Variants in KCNQ1 observed in about 807,000 individuals in gnomAD.
KCNQ1 encodes the protein potassium voltage-gated channel subfamily Q member 1.
In KCNQ1, 49 loss-of-function variants were observed where a neutral mutation model predicts 72.4. The observed-to-expected ratio is 0.68, with a 90% CI of 0.54 to 0.86. The LOEUF is 0.86. KCNQ1 is among the 40% of genes least tolerant of loss of function. The pLI, the probability that KCNQ1 is intolerant of heterozygous loss-of-function variation, is 0.00. For missense variants in KCNQ1, 790 were observed against 945.1 expected (o/e 0.84, Z 2.15); for synonymous variants, 450 against 412.6 (o/e 1.09, Z -1.10).
At position 2,516,708 on chromosome 11, in the gene KCNQ1, T is replaced by TA. The variant is rs1321282949; in HGVS notation, c.387-11217dup. Among the ~76,000 whole-genome samples, 1 of 152,096 alleles carries TA rather than the reference T, an allele frequency of 6.6e-6. No individual in the cohort carries two copies. The highest frequency in any genetic ancestry group is 1.9e-4 in the East Asian group (1 of 5,176). ...TACGGCCACCACCTGATTTTGTCGA[T>TA]AAAGTTTTATTAGGACACAGCCATG... On this transcript the variant is annotated intron_variant, in intron 1 of 15. Coordinates refer to ENST00000155840, the MANE Select transcript of KCNQ1 (RefSeq NM_000218.3). This position sits in a 1 kb window ranked among gnomAD's most constrained non-coding sequence, Gnocchi z 7.0.
chr11:2,615,496 T>A (rs1849046018), intron 10 of KCNQ1: 1 of 397,948 alleles, frequency 2.5e-6, no homozygotes, highest in Non-Finnish European at 4.4e-6. Flanking sequence ...ATGGGAGAAA[T>A]TTTTCAGTTT....
At chr11:2,470,704 TG>T (rs113753362) in intron 1 of KCNQ1, among the ~76,000 whole-genome samples, 6,899 of 89,286 alleles carry the variant, frequency 0.077, 359 homozygotes, top group African/African-American at 0.19. Context: ...CTCAGTTAGG[TG>T]GGGGGGGGGG....
chr11:2,706,085 G>C (rs773514411), intron 11 of KCNQ1, among the ~76,000 whole-genome samples: 1 of 152,246 alleles, frequency 6.6e-6, no homozygotes, highest in African/African-American at 2.4e-5. Flanking sequence ...CTGGGGTACC[G>C]TGTGGCTGTG....
chr11:2,474,211 C>A (rs1195092521), intron 1 of KCNQ1, among the ~76,000 whole-genome samples: 1 of 152,186 alleles, frequency 6.6e-6, no homozygotes, highest in East Asian at 1.9e-4. Flanking sequence ...GTCAGGGTCT[C>A]AGGGACCACT....
rs1356074785 is a variant in KCNQ1 at position 2,494,594 on chromosome 11, A to G, written c.387-33334A>G. Among the ~76,000 whole-genome samples the G allele has an allele frequency of 1.3e-5, 2 of 152,146 alleles. No individual in the cohort carries two copies. Among genetic ancestry groups the G allele is most frequent in the East Asian group, 3.8e-4 (2 of 5,196 alleles). ...TTTGTCAAAGGCTTTTTCTGCATCT[A>G]TTGAGATAATCATGTGGTTTTTGTC... On this transcript the variant is annotated intron_variant, in intron 1 of 15. Transcript: ENST00000155840. This position sits in a 1 kb window ranked among gnomAD's most constrained non-coding sequence, Gnocchi z 4.6.
chr11:2,559,873 G>C lies in KCNQ1; in HGVS notation c.478-10755G>C, dbSNP rs73404655. Among the ~76,000 whole-genome samples, 6,293 of 151,924 alleles carry C rather than the reference G, an allele frequency of 0.041. 453 individuals carry two copies. The highest frequency in any genetic ancestry group is 0.14 in the African/African-American group (5,868 of 41,380). On this transcript the variant is annotated intron_variant, in intron 2 of 15. Transcript: ENST00000155840. This position sits in a 1 kb window ranked among gnomAD's most constrained non-coding sequence, Gnocchi z 4.9. ...TCCCTCTCTGTCTCTGGGGTCCCAT[G>C]GGAAGTCAGGGTGGGGCCTGGTGTG...
At position 2,536,264 on chromosome 11, in the gene KCNQ1, C is replaced by G. The variant is rs1274961711; in HGVS notation, c.477+8246C>G. On this transcript the variant is annotated intron_variant, in intron 2 of 15. Transcript: ENST00000155840. This position sits in a 1 kb window ranked among gnomAD's most constrained non-coding sequence, Gnocchi z 7.4. ...GCTGTGCCAGGCTGCAGCAGAGACT[C>G]CGGCCCCACCAGGCTTCCTGTACTT... is the stretch of plus-strand genomic sequence containing the variant. 1.3e-5 allele frequency among the ~76,000 whole-genome samples: 2 copies of G among 152,206 alleles called. No homozygotes were observed. Among genetic ancestry groups the G allele is most frequent in the African/African-American group, 4.8e-5 (2 of 41,462 alleles).
chr11:2,793,644 AT>A (rs947018265), intron 15 of KCNQ1, among the ~76,000 whole-genome samples: 14 of 149,888 alleles, frequency 9.3e-5, no homozygotes, highest in South Asian at 4.2e-4. Flanking sequence ...AGTAAGAAGT[AT>A]TTTTTTTTTA....
intron 11 of KCNQ1, chr11:2,689,006 T>C (rs990275198): frequency 1.5e-5 from 6 of 398,580 alleles, no homozygotes; most frequent in South Asian, 1.3e-4. Flanking sequence ...TGCAGGTCCC[T>C]GGGTTGGAAT....
intron 1 of KCNQ1, among the ~76,000 whole-genome samples, chr11:2,448,263 G>C (rs1365463721): frequency 6.6e-6 from 1 of 152,224 alleles, no homozygotes; most frequent in Non-Finnish European, 1.5e-5. Context: ...AGTGCATGGA[G>C]ACTGCCCCTG....
In KCNQ1 at chr11:2,746,121, C is replaced by T. The variant is rs1047001903; in HGVS notation, c.1515-22723C>T. Among the ~76,000 whole-genome samples, 3 of 152,180 alleles carry T rather than the reference C, an allele frequency of 2.0e-5. No individual in the cohort carries two copies. Among genetic ancestry groups the T allele is most frequent in the Non-Finnish European group, 4.4e-5 (3 of 68,034 alleles). ...GCCAGGCTGATCTCGAACTCCTGGC[C>T]TCAAGTGATCCATCCGCCTCGGCCT... On this transcript the variant is annotated intron_variant, in intron 11 of 15. Coordinates refer to ENST00000155840, the MANE Select transcript of KCNQ1 (RefSeq NM_000218.3). The surrounding 1 kb of genome is among the most constrained non-coding windows in gnomAD (Gnocchi z 5.9).
At position 2,471,110 on chromosome 11, in the gene KCNQ1, C is replaced by G. The variant is rs1259730738; in HGVS notation, c.386+25626C>G. Among the ~76,000 whole-genome samples the G allele has an allele frequency of 6.6e-6, 1 of 152,064 alleles. No individual in the cohort carries two copies. Among genetic ancestry groups the G allele is most frequent in the African/African-American group, 2.4e-5 (1 of 41,398 alleles). ...CACAGCAGAGTTCTACCCGCCCTCA[C>G]CACCCTGTATCAACTCATCTCATCG... On this transcript the variant is annotated intron_variant, in intron 1 of 15. Transcript: ENST00000155840. The surrounding 1 kb of genome is among the most constrained non-coding windows in gnomAD (Gnocchi z 4.8).
chr11:2,609,680 T>C (rs931401158), intron 10 of KCNQ1: 2 of 398,426 alleles, frequency 5.0e-6, no homozygotes, highest in Non-Finnish European at 8.9e-6. Context: ...TGTCAGTTTT[T>C]GCTTCTTATG....
chr11:2,553,964 G>A (rs1488864782), intron 2 of KCNQ1, among the ~76,000 whole-genome samples: 6 of 152,146 alleles, frequency 3.9e-5, no homozygotes, highest in African/African-American at 1.2e-4. Context: ...TGATCTGCCC[G>A]CCTTGACCTT....
At position 2,762,844 on chromosome 11, in the gene KCNQ1, A is replaced by G. The variant is rs1846427858; in HGVS notation, c.1515-6000A>G. 6.6e-6 allele frequency among the ~76,000 whole-genome samples: 1 copy of G among 152,090 alleles called. No individual in the cohort carries two copies. Among genetic ancestry groups the G allele is most frequent in the Non-Finnish European group, 1.5e-5 (1 of 68,016 alleles). ...CCACGGAAAAAGTGTCTTCCACGAAACTGGTCCCTGGTGCCAAAAAGGTTG... is the reference window on the plus strand; with the variant it reads ...CCACGGAAAAAGTGTCTTCCACGAAGCTGGTCCCTGGTGCCAAAAAGGTTG... On this transcript the variant is annotated intron_variant, in intron 11 of 15. Coordinates refer to ENST00000155840, the MANE Select transcript of KCNQ1 (RefSeq NM_000218.3). The surrounding 1 kb of genome is among the most constrained non-coding windows in gnomAD (Gnocchi z 4.3).
intron 15 of KCNQ1, among the ~76,000 whole-genome samples, chr11:2,839,410 A>T (rs746052879): frequency 1.3e-5 from 2 of 152,224 alleles, no homozygotes; most frequent in Admixed American, 6.5e-5. Flanking sequence ...GAGGCTGTGG[A>T]TGTGACAGCT....
At chr11:2,532,736 G>C (rs898938445) in intron 2 of KCNQ1, among the ~76,000 whole-genome samples, 3 of 152,196 alleles carry the variant, frequency 2.0e-5, no homozygotes, top group African/African-American at 7.2e-5. Context: ...CGGACAGCAG[G>C]CACAGGGCTG....
intron 10 of KCNQ1, chr11:2,634,003 G>A (rs1256437963): frequency 2.5e-6 from 1 of 398,470 alleles, no homozygotes; most frequent in Non-Finnish European, 4.4e-6. Flanking sequence ...ACTGTATTTT[G>A]ATGTCAGGCA....
rs1486082423 is a variant in KCNQ1 at position 2,493,473 on chromosome 11, C to T, written c.387-34455C>T. On this transcript the variant is annotated intron_variant, in intron 1 of 15. Transcript: ENST00000155840. This position sits in a 1 kb window ranked among gnomAD's most constrained non-coding sequence, Gnocchi z 5.3. The stretch of plus-strand genomic sequence containing the variant: ...TGCCTGGGTATTCTTCTAGGGTTTC[C>T]GTGGTTTTAGGTTTTACATTTAAGT... 2.6e-5 allele frequency among the ~76,000 whole-genome samples: 4 copies of T among 152,022 alleles called. No homozygotes were observed. The highest frequency in any genetic ancestry group is 7.2e-5 in the African/African-American group (3 of 41,382).
Sources: gnomAD v4.1 joint callset for allele counts (sites outside exome capture counted in the v4.1 genomes callset) on GRCh38, gnomAD v4.1.1 for gene constraint, Gnocchi (gnomAD v3.1) non-coding constraint, MANE v1.5 for transcripts, NCBI Gene and HGNC (gene_info 2026-07-23, HGNC 2026-07-21) for gene names.